Variants in STAT1 observed in about 807,000 individuals in gnomAD.
STAT1 encodes signal transducer and activator of transcription 1.
Under a neutral mutation model 111.7 loss-of-function variants are expected in STAT1, and 24 were observed. The ratio of observed to expected loss-of-function variants is 0.21; its 90% confidence interval spans 0.16 to 0.30. The LOEUF (loss-of-function observed/expected upper bound fraction) is 0.30. Ranked by LOEUF, STAT1 falls within the 10% of genes least tolerant of loss-of-function variation. The pLI, the probability that STAT1 is intolerant of heterozygous loss-of-function variation, is 1.00. For missense variants in STAT1, 351 were observed against 911.9 expected (o/e 0.38, Z 7.92); for synonymous variants, 332 against 326.5 (o/e 1.02, Z -0.18).
intron 2 of STAT1, 64 bp from the exon 3 acceptor site, chr2:191,010,068 T>C: frequency 6.3e-7 from 1 of 1,586,136 alleles, no homozygotes; most frequent in South Asian, 1.1e-5. Flanking sequence ...AAAGAAAGCC[T>C]TCCTAGCATC....
At position 190,989,611 on chromosome 2, in the gene STAT1, T is replaced by C; in HGVS notation, c.1097+4A>G. 2 of 1,501,788 alleles carry C rather than the reference T, an allele frequency of 1.3e-6. No individual in the cohort carries two copies. The highest frequency in any genetic ancestry group is 1.2e-5 in the South Asian group (1 of 85,170). The allele number at this position is 1,501,788 out of a possible 1,614,324, so 93.0% of individuals were successfully genotyped here. The stretch of plus-strand genomic sequence containing the variant: ...TATGTTATATAATGTTAAAGATATC[T>C]TACTTATCAAATAAGACTTTGACTT... On this transcript the variant is annotated splice_donor_region_variant and intron_variant, in intron 12 of 24. Coordinates refer to ENST00000361099, the MANE Select transcript of STAT1 (RefSeq NM_007315.4). This position sits in a 1 kb window ranked among gnomAD's most constrained non-coding sequence, Gnocchi z 5.0.
At position 190,975,504 on chromosome 2, in the gene STAT1, T is replaced by C; in HGVS notation, c.2135+308A>G. 8.5e-7 allele frequency: 1 copy of C among 1,170,150 alleles called. No individual in the cohort carries two copies. The highest frequency in any genetic ancestry group is 1.2e-6 in the Non-Finnish European group (1 of 860,618). 72.5% of individuals were successfully genotyped at this position (1,170,150 alleles called of 1,614,324 possible). On this transcript the variant is annotated intron_variant, in intron 23 of 24. Transcript: ENST00000361099. This position sits in a 1 kb window ranked among gnomAD's most constrained non-coding sequence, Gnocchi z 5.9. Reference sequence around the variant, plus strand: ...GTATCTCAATCATTACTTTGGCCTTTTCTAGATTGAAAAGAACTACTTTCC... The same window carrying C: ...GTATCTCAATCATTACTTTGGCCTTCTCTAGATTGAAAAGAACTACTTTCC...
In STAT1 at chr2:190,984,540, GA is replaced by G; in HGVS notation, c.1264-148del. 1.4e-6 allele frequency: 1 copy of G among 695,144 alleles called. No individual in the cohort carries two copies. Among genetic ancestry groups the G allele is most frequent in the Admixed American group, 2.4e-5 (1 of 42,466 alleles). The allele number at this position is 695,144 out of a possible 1,614,324, so 43.1% of individuals were successfully genotyped here. ...AAGACTCAATATTCAATCTCTCCCAGATTTAATGATTCTTAGTATCTCAGTG... is the reference window on the plus strand; with the variant it reads ...AAGACTCAATATTCAATCTCTCCCAGTTTAATGATTCTTAGTATCTCAGTG... On this transcript the variant is annotated intron_variant, in intron 15 of 24. Coordinates refer to ENST00000361099, the MANE Select transcript of STAT1 (RefSeq NM_007315.4). The surrounding 1 kb of genome is among the most constrained non-coding windows in gnomAD (Gnocchi z 5.2).
rs2066804 is a variant in STAT1, at chr2:190,977,033, G to A, written c.1874-8C>T. 0.25 allele frequency: 397,896 copies of A among 1,613,014 alleles called. 51,865 individuals carry two copies. The highest frequency in any genetic ancestry group is 0.48 in the East Asian group (21,651 of 44,862). The stretch of plus-strand genomic sequence containing the variant: ...CCGCATGGAAGTCAGGTTCTAAAAA[G>A]GAGAAAAGCTAAGTAAATCCCATAG... On this transcript the variant is annotated splice_polypyrimidine_tract_variant and splice_region_variant and intron_variant, in intron 21 of 24. Transcript: ENST00000361099. The surrounding 1 kb of genome is among the most constrained non-coding windows in gnomAD (Gnocchi z 4.7).
Position 190,995,011 on chromosome 2 carries a change from C to G in STAT1, c.944+50G>C. ...CATCTGAATTAACGGTAAAATGTTC[C>G]TCTGTATAGACCGATTACAGAAGGT... On this transcript the variant is annotated intron_variant, in intron 10 of 24. Coordinates refer to ENST00000361099, the MANE Select transcript of STAT1 (RefSeq NM_007315.4). The surrounding 1 kb of genome is among the most constrained non-coding windows in gnomAD (Gnocchi z 4.2). 6.4e-7 allele frequency: 1 copy of G among 1,562,766 alleles called. No homozygotes were observed.
chr2:191,006,890 C>T lies in STAT1; in HGVS notation c.372+673G>A, dbSNP rs1228442659. Reference sequence around the variant, plus strand: ...TCTTGATGTTGCTCAAAACAAAGCCCTTGATTTTCCCATCAGCCTCCTTTT... The same window carrying T: ...TCTTGATGTTGCTCAAAACAAAGCCTTTGATTTTCCCATCAGCCTCCTTTT... On this transcript the variant is annotated intron_variant, in intron 5 of 24. Coordinates refer to ENST00000361099, the MANE Select transcript of STAT1 (RefSeq NM_007315.4). This position sits in a 1 kb window ranked among gnomAD's most constrained non-coding sequence, Gnocchi z 4.6. Among the ~76,000 whole-genome samples the T allele has an allele frequency of 6.6e-6, 1 of 152,132 alleles. No homozygotes were observed. Among genetic ancestry groups the T allele is most frequent in the Non-Finnish European group, 1.5e-5 (1 of 68,012 alleles).
chr2:190,994,549 T>C (rs1037548123), intron 10 of STAT1, among the ~76,000 whole-genome samples: 2 of 152,088 alleles, frequency 1.3e-5, no homozygotes, highest in Non-Finnish European at 2.9e-5. Flanking sequence ...GGAAGGTTAC[T>C]ATAGCTTCCA....
rs1200016986 is a variant in STAT1, at chr2:190,981,205, CT to C, written c.1583-537del. Among the ~76,000 whole-genome samples, 2 of 152,198 alleles carry C rather than the reference CT, an allele frequency of 1.3e-5. No homozygotes were observed. Among genetic ancestry groups the C allele is most frequent in the Non-Finnish European group, 2.9e-5 (2 of 68,032 alleles). Reference sequence around the variant, plus strand: ...TTCCTCTGCTGCTCAGCAGAGCCCCCTCTCCCAAGGATCCTACAGAATTTTT... The same window carrying C: ...TTCCTCTGCTGCTCAGCAGAGCCCCCCTCCCAAGGATCCTACAGAATTTTT... On this transcript the variant is annotated intron_variant, in intron 18 of 24. Coordinates refer to ENST00000361099, the MANE Select transcript of STAT1 (RefSeq NM_007315.4). The surrounding 1 kb of genome is among the most constrained non-coding windows in gnomAD (Gnocchi z 4.1).
chr2:190,996,596 G>T lies in STAT1; in HGVS notation c.785+1260C>A, dbSNP rs1269885809. Among the ~76,000 whole-genome samples, 1 of 152,228 alleles carries T rather than the reference G, an allele frequency of 6.6e-6. No individual in the cohort carries two copies. Among genetic ancestry groups the T allele is most frequent in the Non-Finnish European group, 1.5e-5 (1 of 68,026 alleles). On this transcript the variant is annotated intron_variant, in intron 9 of 24. Coordinates refer to ENST00000361099, the MANE Select transcript of STAT1 (RefSeq NM_007315.4). This position sits in a 1 kb window ranked among gnomAD's most constrained non-coding sequence, Gnocchi z 4.5. ...TGGCCACCTGAAGGGCTTTAGGGTTGTATGTATCCCTCAAGGCACATGGGG... is the reference window on the plus strand; with the variant it reads ...TGGCCACCTGAAGGGCTTTAGGGTTTTATGTATCCCTCAAGGCACATGGGG...
rs764716888 is a variant in STAT1 at position 190,974,467 on chromosome 2, C to T, written c.2238+363G>A. Among the ~76,000 whole-genome samples the T allele has an allele frequency of 1.5e-3, 236 of 152,334 alleles. 1 individual carries two copies. Among genetic ancestry groups the T allele is most frequent in the Non-Finnish European group, 2.6e-3 (177 of 68,030 alleles). ...CTTTCTAAAAATAACACTCCCTCCC[C>T]TAGACACAGTGATGAAATCGCATTC... is the stretch of plus-strand genomic sequence containing the variant. On this transcript the variant is annotated intron_variant, in intron 24 of 24. Transcript: ENST00000361099. The surrounding 1 kb of genome is among the most constrained non-coding windows in gnomAD (Gnocchi z 4.8).
In STAT1 at chr2:191,007,748, T is replaced by C; in HGVS notation, c.274-87A>G. ...TTGTAAGTTGATATGAATTTGTTTATATTCTCCGGGAAACCTCATCTCTCA... is the reference window on the plus strand; with the variant it reads ...TTGTAAGTTGATATGAATTTGTTTACATTCTCCGGGAAACCTCATCTCTCA... On this transcript the variant is annotated intron_variant, in intron 4 of 24. Coordinates refer to ENST00000361099, the MANE Select transcript of STAT1 (RefSeq NM_007315.4). The surrounding 1 kb of genome is among the most constrained non-coding windows in gnomAD (Gnocchi z 4.2). 1 of 994,940 alleles carries C rather than the reference T, an allele frequency of 1.0e-6. No homozygotes were observed. The highest frequency in any genetic ancestry group is 1.6e-6 in the Non-Finnish European group (1 of 630,800). The allele number at this position is 994,940 out of a possible 1,614,324, so 61.6% of individuals were successfully genotyped here.
At chr2:190,994,467 T>C (rs1279127066) in intron 10 of STAT1, among the ~76,000 whole-genome samples, 1 of 150,870 alleles carries the variant, frequency 6.6e-6, no homozygotes, top group Non-Finnish European at 1.5e-5. Context: ...GCCTGAGACA[T>C]GAGGAGGGGA....
chr2:190,972,967 A>G (rs1436425845), intron 24 of STAT1, among the ~76,000 whole-genome samples: 3 of 152,112 alleles, frequency 2.0e-5, no homozygotes, highest in African/African-American at 7.2e-5. Flanking sequence ...TGTGCTTAGC[A>G]TATTTAAATT....
chr2:191,004,956 GA>G lies in STAT1; in HGVS notation c.372+2606del, dbSNP rs1694567590. Reference sequence around the variant, plus strand: ...TTTTCACCACAAAGAAAAAAAGAAAGAAAAAAACTTAGTGTGCTGTAAGACA... The same window carrying G: ...TTTTCACCACAAAGAAAAAAAGAAAGAAAAAACTTAGTGTGCTGTAAGACA... On this transcript the variant is annotated intron_variant, in intron 5 of 24. Transcript: ENST00000361099. This position sits in a 1 kb window ranked among gnomAD's most constrained non-coding sequence, Gnocchi z 5.0. 6.6e-6 allele frequency among the ~76,000 whole-genome samples: 1 copy of G among 151,548 alleles called. No homozygotes were observed. The highest frequency in any genetic ancestry group is 6.6e-5 in the Admixed American group (1 of 15,250).
chr2:190,970,427 G>A lies in STAT1; in HGVS notation c.*276C>T. 1.9e-6 allele frequency: 1 copy of A among 521,800 alleles called. No individual in the cohort carries two copies. Among genetic ancestry groups the A allele is most frequent in the Non-Finnish European group, 3.5e-6 (1 of 287,632 alleles). The allele number at this position is 521,800 out of a possible 1,614,324, so 32.3% of individuals were successfully genotyped here. A position where few individuals can be genotyped will look rare whatever the true frequency, so the allele number is the denominator to read the frequency against. On this transcript the variant is annotated 3_prime_UTR_variant, in exon 25 of 25. Coordinates refer to ENST00000361099, the MANE Select transcript of STAT1 (RefSeq NM_007315.4). The surrounding 1 kb of genome is among the most constrained non-coding windows in gnomAD (Gnocchi z 5.4). ...CCCAAAGGACCCTCATTCTCGTCCT[G>A]ATACTTTGGGTGTATCTGGATGTTT...
chr2:190,998,640 C>A lies in STAT1; in HGVS notation c.542-332G>T, dbSNP rs1319919863. On this transcript the variant is annotated intron_variant, in intron 7 of 24. Coordinates refer to ENST00000361099, the MANE Select transcript of STAT1 (RefSeq NM_007315.4). This position sits in a 1 kb window ranked among gnomAD's most constrained non-coding sequence, Gnocchi z 4.1. The stretch of plus-strand genomic sequence containing the variant: ...TCTCGCCACTGCACTCTAGCCTGGG[C>A]GACAGAGCGAGACTCCGTCTCCAAA... Among the ~76,000 whole-genome samples, 3 of 147,382 alleles carry A rather than the reference C, an allele frequency of 2.0e-5. No individual in the cohort carries two copies. The highest frequency in any genetic ancestry group is 7.5e-5 in the African/African-American group (3 of 39,780).
intron 10 of STAT1, among the ~76,000 whole-genome samples, chr2:190,994,619 AT>A (rs890363465): frequency 2.6e-5 from 4 of 152,050 alleles, no homozygotes; most frequent in Non-Finnish European, 5.9e-5. Flanking sequence ...AGGAAGAGTC[AT>A]TGTCATTAAA....
In STAT1 at chr2:191,007,682, C is replaced by G. The variant is rs1037056540; in HGVS notation, c.274-21G>C. On this transcript the variant is annotated intron_variant, in intron 4 of 24. Transcript: ENST00000361099. The surrounding 1 kb of genome is among the most constrained non-coding windows in gnomAD (Gnocchi z 4.2). ...TTATCCTAGATTTGAGTGGTTAGAA[C>G]AAAAATAAATTAAAATGCAGAATGT... 5 of 1,530,316 alleles carry G rather than the reference C, an allele frequency of 3.3e-6. No homozygotes were observed. Among genetic ancestry groups the G allele is most frequent in the Non-Finnish European group, 3.6e-6 (4 of 1,104,874 alleles). 94.8% of individuals were successfully genotyped at this position (1,530,316 alleles called of 1,614,324 possible). A position where few individuals can be genotyped will look rare whatever the true frequency, so the allele number is the denominator to read the frequency against.
intron 2 of STAT1, among the ~76,000 whole-genome samples, chr2:191,011,604 G>T (rs776445381): frequency 6.6e-6 from 1 of 152,100 alleles, no homozygotes; most frequent in African/African-American, 2.4e-5. Flanking sequence ...ATCTTACCTC[G>T]AATTGTAATA....
Sources: allele counts gnomAD v4.1 joint callset (sites outside exome capture counted in the v4.1 genomes callset), GRCh38; gene constraint gnomAD v4.1.1; non-coding constraint Gnocchi (gnomAD v3.1); transcripts MANE v1.5; gene names NCBI Gene and HGNC (gene_info 2026-07-23, HGNC 2026-07-21).